MARCHF1: variants seen among roughly 807,000 people sequenced by gnomAD.
MARCHF1 encodes the protein membrane associated ring-CH-type finger 1, also known as E3 ubiquitin-protein ligase MARCHF1.
In MARCHF1, 40 loss-of-function variants were observed where a neutral mutation model predicts 54.2. The ratio of observed to expected loss-of-function variants is 0.74; its 90% CI spans 0.57 to 0.96. The LOEUF is 0.96. MARCHF1 is among the 40% of genes least tolerant of loss of function. The pLI is 0.00. For missense variants in MARCHF1, 586 were observed against 656.5 expected (o/e 0.89, Z 1.17); for synonymous variants, 236 against 236.3 (o/e 1.00, Z 0.01).
chr4:164,257,356 T>TA (rs1441741524), intron 1 of MARCHF1, among the ~76,000 whole-genome samples: 3 of 152,050 alleles, frequency 2.0e-5, no homozygotes, highest in African/African-American at 7.2e-5. Flanking sequence ...ATACATGTTG[T>TA]AAGTTAGATT....
intron 4 of MARCHF1, among the ~76,000 whole-genome samples, chr4:163,805,246 G>A (rs1045604760): frequency 6.6e-6 from 1 of 151,834 alleles, no homozygotes; most frequent in South Asian, 2.1e-4. Flanking sequence ...TATTATTATT[G>A]TTAATTTACA....
chr4:164,351,943 C>A (rs1394679703), intron 1 of MARCHF1, among the ~76,000 whole-genome samples: 1 of 149,166 alleles, frequency 6.7e-6, no homozygotes, highest in African/African-American at 2.5e-5. Context: ...AAAACCAAGG[C>A]TCGAGAACTA....
intron 1 of MARCHF1, among the ~76,000 whole-genome samples, chr4:164,309,984 CT>C (rs968063301): frequency 6.6e-6 from 1 of 151,014 alleles, no homozygotes; most frequent in South Asian, 2.1e-4. Flanking sequence ...AATCATGTTC[CT>C]TTTTTTTAAT....
At position 163,653,041 on chromosome 4, in the gene MARCHF1, G is replaced by A. The variant is rs13146547; in HGVS notation, c.163-39648C>T. 2.7e-3 allele frequency among the ~76,000 whole-genome samples: 410 copies of A among 149,750 alleles called. 3 individuals carry two copies. The highest frequency in any genetic ancestry group is 4.7e-3 in the Non-Finnish European group (315 of 67,666). ...AAGAAAATGCATCAGGTAGTGCTAC[G>A]TACTATTAGAGAAAATCAAGGTAAG... is the stretch of plus-strand genomic sequence containing the variant. On this transcript the variant is annotated intron_variant, in intron 5 of 9. Coordinates refer to ENST00000514618, the MANE Select transcript of MARCHF1 (RefSeq NM_001394959.1).
chr4:164,076,450 T>C (rs1351911720), intron 2 of MARCHF1, among the ~76,000 whole-genome samples: 1 of 152,084 alleles, frequency 6.6e-6, no homozygotes, highest in African/African-American at 2.4e-5. Flanking sequence ...AATGGGCAAA[T>C]TTGGAAGCAT....
chr4:163,753,544 G>A (rs1477377921), intron 4 of MARCHF1, among the ~76,000 whole-genome samples: 1 of 152,016 alleles, frequency 6.6e-6, no homozygotes, highest in Non-Finnish European at 1.5e-5. Context: ...CTGGGATGGG[G>A]GGTGAGAGAA....
At chr4:164,251,216 C>T (rs781188850) in intron 1 of MARCHF1, among the ~76,000 whole-genome samples, 16 of 152,056 alleles carry the variant, frequency 1.1e-4, no homozygotes, top group Non-Finnish European at 2.2e-4. Context: ...TTGCTCTTTC[C>T]TTAACATGGC....
chr4:163,644,692 C>A (rs2111045248), intron 5 of MARCHF1, among the ~76,000 whole-genome samples: 1 of 152,212 alleles, frequency 6.6e-6, no homozygotes, highest in East Asian at 1.9e-4. Context: ...ACAGCAGATC[C>A]CGAAAAAACC....
At chr4:164,306,659 AC>A (rs1410182393) in intron 1 of MARCHF1, among the ~76,000 whole-genome samples, 3 of 152,174 alleles carry the variant, frequency 2.0e-5, no homozygotes, top group Non-Finnish European at 2.9e-5. Context: ...AGATAAACAA[AC>A]AAGATGGAGA....
At chr4:163,561,920 A>C (rs879628491) in intron 8 of MARCHF1, among the ~76,000 whole-genome samples, 8 of 152,138 alleles carry the variant, frequency 5.3e-5, no homozygotes, top group Admixed American at 5.2e-4. Context: ...AACATTTTGG[A>C]AAGAATATTG....
intron 3 of MARCHF1, among the ~76,000 whole-genome samples, chr4:163,964,953 T>C (rs1339491320): frequency 6.6e-6 from 1 of 152,014 alleles, no homozygotes; most frequent in Non-Finnish European, 1.5e-5. Context: ...AATTTTTAAG[T>C]AAAATTAAAG....
chr4:164,100,090 A>T (rs1328617049), intron 2 of MARCHF1, among the ~76,000 whole-genome samples: 3 of 152,236 alleles, frequency 2.0e-5, no homozygotes, highest in African/African-American at 7.2e-5. Context: ...TCTAATTTTT[A>T]CACTTATTCA....
intron 3 of MARCHF1, among the ~76,000 whole-genome samples, chr4:163,873,072 A>AAAAC (rs1553960054): frequency 1.3e-5 from 2 of 151,040 alleles, no homozygotes; most frequent in Non-Finnish European, 3.0e-5. Context: ...CAAACAAAAA[A>AAAAC]AAACAAACAA....
At chr4:163,626,783 C>T (rs138695937) in intron 5 of MARCHF1, among the ~76,000 whole-genome samples, 1,932 of 152,114 alleles carry the variant, frequency 0.013, 39 homozygotes, top group African/African-American at 0.043. Flanking sequence ...AAAAATTAGC[C>T]TGGCATGGTG....
At chr4:164,269,530 T>C (rs1402265598) in intron 1 of MARCHF1, among the ~76,000 whole-genome samples, 2 of 152,220 alleles carry the variant, frequency 1.3e-5, no homozygotes, top group African/African-American at 2.4e-5. Context: ...AGCACAAATA[T>C]CTCAGATTAT....
At chr4:163,602,598 G>T (rs1427896947) in intron 7 of MARCHF1, among the ~76,000 whole-genome samples, 1 of 152,068 alleles carries the variant, frequency 6.6e-6, no homozygotes, top group South Asian at 2.1e-4. Flanking sequence ...ACAGGAGAAT[G>T]GTTGGTCTTT....
At chr4:163,700,916 A>T in intron 4 of MARCHF1, 53 bp from the exon 5 acceptor site, 2 of 1,250,188 alleles carry the variant, frequency 1.6e-6, no homozygotes, top group South Asian at 2.6e-5. Context: ...TACTTTCACC[A>T]TACTGTACCA....
At chr4:163,538,324 A>G (rs1560929241) in intron 9 of MARCHF1, among the ~76,000 whole-genome samples, 1 of 102,224 alleles carries the variant, frequency 9.8e-6, no homozygotes, top group Admixed American at 1.2e-4. Context: ...AGTAAAATTT[A>G]TAAATTTTTT....
intron 4 of MARCHF1, among the ~76,000 whole-genome samples, chr4:163,744,443 GT>G (rs1234718815): frequency 1.3e-5 from 2 of 152,184 alleles, no homozygotes; most frequent in African/African-American, 4.8e-5. Flanking sequence ...TCAGCACCAT[GT>G]ATTAGAATAA....
Sources: allele counts gnomAD v4.1 joint callset (sites outside exome capture counted in the v4.1 genomes callset), GRCh38; gene constraint gnomAD v4.1.1; transcripts MANE v1.5; gene names NCBI Gene and HGNC (gene_info 2026-07-23, HGNC 2026-07-21).